SMYD3: variants seen among roughly 807,000 people sequenced by gnomAD.
The protein encoded by SMYD3 is SET and MYND domain containing 3, also known as histone-lysine N-methyltransferase SMYD3.
SMYD3 carries 36 observed loss-of-function variants against 57.7 expected under a neutral mutation model. The ratio of observed to expected loss-of-function variants is 0.62; its 90% confidence interval spans 0.48 to 0.82. The LOEUF (loss-of-function observed/expected upper bound fraction) is 0.82. SMYD3 is among the 40% of genes least tolerant of loss of function. The pLI is 0.00. For missense variants in SMYD3, 515 were observed against 538.8 expected (o/e 0.96, Z 0.44); for synonymous variants, 211 against 195.0 (o/e 1.08, Z -0.68).
intron 7 of SMYD3, among the ~76,000 whole-genome samples, chr1:245,925,751 G>A (rs951110108): frequency 2.0e-5 from 3 of 152,156 alleles, no homozygotes; most frequent in African/African-American, 7.2e-5. Context: ...AATAAGACAC[G>A]ATTGTCTGTC....
intron 1 of SMYD3, among the ~76,000 whole-genome samples, chr1:246,444,360 G>A (rs1438596015): frequency 6.6e-6 from 1 of 152,026 alleles, no homozygotes; most frequent in East Asian, 1.9e-4. Flanking sequence ...TCCTGACCTT[G>A]TGATCCACCC....
At chr1:246,136,048 CAG>C (rs2061661371) in intron 5 of SMYD3, among the ~76,000 whole-genome samples, 1 of 152,180 alleles carries the variant, frequency 6.6e-6, no homozygotes, top group African/African-American at 2.4e-5. Flanking sequence ...ACTGTTAGAT[CAG>C]AGAGTTATTG....
At chr1:245,793,084 G>GCC (rs201171768) in intron 10 of SMYD3, among the ~76,000 whole-genome samples, 1 of 146,470 alleles carries the variant, frequency 6.8e-6, no homozygotes, top group Non-Finnish European at 1.5e-5. Context: ...GCCGAGGCGG[G>GCC]TGATCACGAA....
At chr1:245,908,540 A>G (rs900737889) in intron 8 of SMYD3, among the ~76,000 whole-genome samples, 7 of 152,204 alleles carry the variant, frequency 4.6e-5, no homozygotes, top group Admixed American at 4.6e-4. Context: ...CTTTCATCTC[A>G]TCAGTAAATG....
chr1:246,468,627 T>C (rs553856182), intron 1 of SMYD3, among the ~76,000 whole-genome samples: 3 of 151,668 alleles, frequency 2.0e-5, no homozygotes, highest in Admixed American at 1.3e-4. Context: ...GGTGACAGAG[T>C]GAGACTCTGT....
intron 5 of SMYD3, among the ~76,000 whole-genome samples, chr1:246,042,932 C>T (rs575407956): frequency 5.3e-5 from 8 of 152,282 alleles, no homozygotes; most frequent in African/African-American, 1.9e-4. Context: ...ATAGTGGCTA[C>T]TCTTAATAAA....
intron 10 of SMYD3, among the ~76,000 whole-genome samples, chr1:245,824,663 C>T (rs1360549569): frequency 6.6e-6 from 1 of 152,152 alleles, no homozygotes; most frequent in African/African-American, 2.4e-5. Context: ...GGAGACCAGC[C>T]TGATCAACAT....
chr1:246,443,753 T>C (rs2067505475), intron 1 of SMYD3, among the ~76,000 whole-genome samples: 1 of 152,228 alleles, frequency 6.6e-6, no homozygotes, highest in African/African-American at 2.4e-5. Context: ...TAGTTTCCAG[T>C]ATGGTATATA....
At chr1:245,981,853 T>C (rs2058604168) in intron 5 of SMYD3, among the ~76,000 whole-genome samples, 1 of 152,214 alleles carries the variant, frequency 6.6e-6, no homozygotes. Context: ...TTCCATACTA[T>C]TTCTCTTTTT....
chr1:246,246,406 A>G (rs79883102), intron 5 of SMYD3, among the ~76,000 whole-genome samples: 6,537 of 152,208 alleles, frequency 0.043, 477 homozygotes, highest in African/African-American at 0.15. Context: ...AAGTAAGTCT[A>G]TTTGAGTAGC....
intron 1 of SMYD3, among the ~76,000 whole-genome samples, chr1:246,506,755 C>T (rs1170198254): frequency 1.3e-5 from 2 of 152,254 alleles, no homozygotes; most frequent in Non-Finnish European, 2.9e-5. Context: ...CCCGGCACAA[C>T]GCTTCCCCCT....
intron 8 of SMYD3, among the ~76,000 whole-genome samples, chr1:245,868,373 A>T (rs896617661): frequency 6.6e-6 from 1 of 152,216 alleles, no homozygotes; most frequent in Non-Finnish European, 1.5e-5. Flanking sequence ...TATCTGAGTT[A>T]ATCAATTCAA....
chr1:245,812,413 T>G (rs2048524088), intron 10 of SMYD3, among the ~76,000 whole-genome samples: 1 of 152,174 alleles, frequency 6.6e-6, no homozygotes, highest in Non-Finnish European at 1.5e-5. Flanking sequence ...ACCACTGCTA[T>G]CTGATGGCCG....
intron 5 of SMYD3, among the ~76,000 whole-genome samples, chr1:245,955,096 T>C (rs1558530961): frequency 6.6e-6 from 1 of 151,970 alleles, no homozygotes; most frequent in Non-Finnish European, 1.5e-5. Context: ...CCATGTGGTG[T>C]TTTGTTTTTG....
rs60882470 is a variant in SMYD3 at position 246,375,325 on chromosome 1, CTTTTTTTTTTTTT to C, written c.165-20244_165-20232del. On this transcript the variant is annotated intron_variant, in intron 1 of 11. Transcript: ENST00000490107. ...AATGAACTACATTTCTAATGAGAGACTTTTTTTTTTTTTTTTTTTTTTTTTTTTTTTACCAATT... is the reference window on the plus strand; with the variant it reads ...AATGAACTACATTTCTAATGAGAGACTTTTTTTTTTTTTTTTTTACCAATT... Among the ~76,000 whole-genome samples the C allele has an allele frequency of 1.2e-3, 75 of 62,264 alleles. 1 individual carries two copies. Among genetic ancestry groups the C allele is most frequent in the African/African-American group, 3.9e-3 (68 of 17,368 alleles). 40.8% of individuals were successfully genotyped at this position (62,264 alleles called of 152,430 possible). A position where few individuals can be genotyped will look rare whatever the true frequency, so the allele number is the denominator to read the frequency against.
chr1:245,878,044 G>A (rs2052582016), intron 8 of SMYD3, among the ~76,000 whole-genome samples: 1 of 148,168 alleles, frequency 6.7e-6, no homozygotes, highest in South Asian at 2.1e-4. Context: ...CAGGTGGTGT[G>A]GAACTCAACA....
chr1:245,920,334 A>G (rs887097971), intron 7 of SMYD3, among the ~76,000 whole-genome samples: 4 of 131,888 alleles, frequency 3.0e-5, no homozygotes, highest in African/African-American at 1.0e-4. Context: ...AAAAAAAAAA[A>G]AAAAGATGAC....
intron 3 of SMYD3, among the ~76,000 whole-genome samples, chr1:246,332,852 C>G (rs572705539): frequency 8.5e-5 from 13 of 152,288 alleles, no homozygotes; most frequent in African/African-American, 3.1e-4. Context: ...CAAGGTGAAG[C>G]AGCAAGTGCT....
At chr1:246,252,221 G>A (rs2486849) in intron 5 of SMYD3, among the ~76,000 whole-genome samples, 3 of 50,784 alleles carry the variant, frequency 5.9e-5, no homozygotes, top group African/African-American at 2.3e-4. Flanking sequence ...AGTAGGTGCC[G>A]CGGACACTGC....
Sources: gnomAD v4.1 joint callset for allele counts (sites outside exome capture counted in the v4.1 genomes callset) on GRCh38, gnomAD v4.1.1 for gene constraint, MANE v1.5 for transcripts, NCBI Gene and HGNC (gene_info 2026-07-23, HGNC 2026-07-21) for gene names.